The following THSD7B variants were observed in gnomAD, a reference collection of about 807,000 sequenced individuals.
THSD7B encodes thrombospondin type-1 domain-containing protein 7B.
A neutral mutation model predicts 213.6 loss-of-function variants in THSD7B; 138 were observed. The ratio of observed to expected loss-of-function variants is 0.65; its 90% CI spans 0.56 to 0.74. The LOEUF (loss-of-function observed/expected upper bound fraction) is 0.74, where lower values mean the gene tolerates loss of function less well. Among genes scored for constraint, THSD7B ranks in the 30% least tolerant of loss-of-function variants. THSD7B has a pLI of 0.00. For missense variants in THSD7B, 1,931 were observed against 1,991.5 expected, an observed-to-expected ratio of 0.97 and a Z score of 0.58; for synonymous variants, 742 against 687.0, an observed-to-expected ratio of 1.08 and a Z score of -1.25.
At chr2:136,857,033 T>G (rs1198837121) in intron 1 of THSD7B, among the ~76,000 whole-genome samples, 1 of 152,230 alleles carries the variant, frequency 6.6e-6, no homozygotes, top group African/African-American at 2.4e-5. Flanking sequence ...TGTAATTCTG[T>G]TTTGAAAATT....
At chr2:137,179,775 C>G (rs1413275426) in intron 7 of THSD7B, among the ~76,000 whole-genome samples, 1 of 152,124 alleles carries the variant, frequency 6.6e-6, no homozygotes. Context: ...TCCTTTACCT[C>G]TGTTACCTTG....
At chr2:137,280,656 G>A (rs1299003871) in intron 12 of THSD7B, among the ~76,000 whole-genome samples, 1 of 152,074 alleles carries the variant, frequency 6.6e-6, no homozygotes, top group Non-Finnish European at 1.5e-5. Context: ...ACTTCAAGGA[G>A]ACCCACGTGT....
At chr2:136,959,918 G>A (rs1006856029) in intron 2 of THSD7B, among the ~76,000 whole-genome samples, 1 of 152,204 alleles carries the variant, frequency 6.6e-6, no homozygotes, top group African/African-American at 2.4e-5. Context: ...ACACTTGACT[G>A]GAGGAAGACA....
intron 15 of THSD7B, among the ~76,000 whole-genome samples, chr2:137,532,123 C>T (rs1257133256): frequency 6.6e-6 from 1 of 151,872 alleles, no homozygotes; most frequent in Non-Finnish European, 1.5e-5. Context: ...ATTGAGAACA[C>T]AGTAGGAGTT....
chr2:136,890,332 T>C (rs71348723), intron 2 of THSD7B, among the ~76,000 whole-genome samples: 1 of 3,854 alleles, frequency 2.6e-4, no homozygotes, highest in Non-Finnish European at 7.9e-4. Flanking sequence ...CTTCTTCTTC[T>C]TCTTCTTCTT....
intron 15 of THSD7B, among the ~76,000 whole-genome samples, chr2:137,481,133 G>C (rs1688298150): frequency 6.6e-6 from 1 of 152,078 alleles, no homozygotes; most frequent in South Asian, 2.1e-4. Context: ...CCTTGATCTT[G>C]GACTTCCCAG....
intron 12 of THSD7B, among the ~76,000 whole-genome samples, chr2:137,347,245 A>C (rs1180064559): frequency 6.6e-6 from 1 of 151,748 alleles, no homozygotes. Context: ...CAGAAGGAAA[A>C]AAGAGAGATG....
intron 1 of THSD7B, among the ~76,000 whole-genome samples, chr2:136,781,261 A>C (rs1413930274): frequency 7.1e-6 from 1 of 141,300 alleles, no homozygotes; most frequent in Non-Finnish European, 1.5e-5. Context: ...ACTACTTACC[A>C]GTTCTATTTT....
At chr2:137,609,013 C>A (rs1475076529) in intron 17 of THSD7B, among the ~76,000 whole-genome samples, 1 of 152,132 alleles carries the variant, frequency 6.6e-6, no homozygotes, top group African/African-American at 2.4e-5. Flanking sequence ...CCAAAACTCC[C>A]AGGAATTCAG....
chr2:136,837,491 C>T (rs576489564), intron 1 of THSD7B, among the ~76,000 whole-genome samples: 62 of 152,348 alleles, frequency 4.1e-4, no homozygotes, highest in African/African-American at 1.5e-3. Flanking sequence ...GGCTTCCTTC[C>T]TCATGTCATT....
intron 2 of THSD7B, among the ~76,000 whole-genome samples, chr2:137,003,639 C>T (rs1317499231): frequency 6.6e-6 from 1 of 152,164 alleles, no homozygotes; most frequent in Admixed American, 6.5e-5. Context: ...ATTTGGGTCT[C>T]TTTACAGCAG....
At chr2:137,441,651 A>G (rs1687414637) in intron 14 of THSD7B, among the ~76,000 whole-genome samples, 1 of 152,142 alleles carries the variant, frequency 6.6e-6, no homozygotes, top group South Asian at 2.1e-4. Context: ...TAATAGTTCA[A>G]GTGAGAGATA....
chr2:136,935,664 G>A (rs1684712904), intron 2 of THSD7B, among the ~76,000 whole-genome samples: 1 of 151,944 alleles, frequency 6.6e-6, no homozygotes, highest in East Asian at 1.9e-4. Flanking sequence ...TCTCCAGTAT[G>A]AAGATGTTAT....
intron 2 of THSD7B, among the ~76,000 whole-genome samples, chr2:137,034,109 C>T (rs111706134): frequency 1.3e-5 from 2 of 152,108 alleles, no homozygotes; most frequent in East Asian, 1.9e-4. Context: ...TCATCCATGT[C>T]CCTGCAAAGG....
At chr2:136,906,306 A>G (rs1317148353) in intron 2 of THSD7B, 1 of 152,172 alleles carries the variant, frequency 6.6e-6, no homozygotes. Context: ...GGCTAAAAAG[A>G]TAAAGTATAT....
At chr2:137,311,309 C>G (rs983049563) in intron 12 of THSD7B, among the ~76,000 whole-genome samples, 1 of 151,596 alleles carries the variant, frequency 6.6e-6, no homozygotes, top group Non-Finnish European at 1.5e-5. Context: ...CTCTGTTTGT[C>G]TGTTGTTGGT....
Position 137,057,225 on chromosome 2 carries a change from G to A in THSD7B, c.945G>A (p.Met315Ile), listed in dbSNP as rs141138030. 28 of 1,606,628 alleles carry A rather than the reference G, an allele frequency of 1.7e-5. No individual in the cohort carries two copies. The highest frequency in any genetic ancestry group is 2.7e-5 in the African/African-American group (2 of 74,822). The change falls in exon 3 of 28, where the codon ATG becomes ATA. Residue 315 changes from methionine (M) to isoleucine (I), a missense_variant. By Grantham distance (10) the Met-to-Ile change is conservative. Transcript: ENST00000409968. ...SCTRSDGQNA[M>I]LSLCLQDSFP... ...CAAGAAGTGATGGACAAAATGCTAT[G>A]TTAAGGTAGGAGACCTTTGATGCTT... is the stretch of plus-strand genomic sequence containing the variant.
rs6743842 is a variant in THSD7B at position 137,098,993 on chromosome 2, T to C, written c.1199+3872T>C. 5.5e-3 allele frequency among the ~76,000 whole-genome samples: 840 copies of C among 152,264 alleles called. 8 individuals are homozygous for C. Among genetic ancestry groups the C allele is most frequent in the African/African-American group, 0.019 (800 of 41,558 alleles). On this transcript the variant is annotated intron_variant, in intron 4 of 27. Transcript: ENST00000409968. ...GTATAGCCTTAAGTTTGTTTCGAAG[T>C]TGTAGTTTTTGATTAAGGCATATAT...
chr2:137,555,473 G>T (rs1680940998), intron 15 of THSD7B, among the ~76,000 whole-genome samples: 1 of 152,190 alleles, frequency 6.6e-6, no homozygotes, highest in South Asian at 2.1e-4. Flanking sequence ...CAGACCTGCA[G>T]CTGAGGCTCC....
Sources: allele counts gnomAD v4.1 joint callset (sites outside exome capture counted in the v4.1 genomes callset), GRCh38; gene constraint gnomAD v4.1.1; transcripts MANE v1.5; gene names NCBI Gene and HGNC (gene_info 2026-07-23, HGNC 2026-07-21).